The following PM20D2 variants were observed in gnomAD, a reference collection of about 807,000 sequenced individuals.
The protein encoded by PM20D2 is peptidase M20 domain containing 2.
A neutral mutation model predicts 42.9 loss-of-function variants in PM20D2; 33 were observed. That is an observed-to-expected ratio of 0.77 (90% confidence interval 0.58 to 1.03). PM20D2 has a LOEUF of 1.03. Ranked by LOEUF, PM20D2 falls within the 50% of genes least tolerant of loss-of-function variation. The pLI is 0.00. For synonymous variants in PM20D2, 250 were observed against 228.2 expected, an observed-to-expected ratio of 1.10 and a Z score of -0.86; for missense variants, 548 against 557.0, an observed-to-expected ratio of 0.98 and a Z score of 0.16.
the PM20D2 span, among the ~76,000 whole-genome samples, chr6:89,128,137 C>A: frequency 6.6e-6 from 1 of 152,112 alleles, no homozygotes; most frequent in South Asian, 2.1e-4. Flanking sequence ...CAAAAAGAGC[C>A]ATATTTTTCT....
At chr6:89,114,290 T>C in the PM20D2 span, among the ~76,000 whole-genome samples, 1 of 152,052 alleles carries the variant, frequency 6.6e-6, no homozygotes, top group African/African-American at 2.4e-5. Context: ...TAGCCAGGCA[T>C]GGTGGCACAC....
the PM20D2 span, among the ~76,000 whole-genome samples, chr6:89,116,729 C>T: frequency 1.3e-4 from 19 of 150,450 alleles, no homozygotes; most frequent in African/African-American, 4.4e-4. Flanking sequence ...CAACCAAGAT[C>T]GGGCCATTGT....
At position 89,162,072 on chromosome 6, in the gene PM20D2, ATAAG is replaced by A. The variant is rs112823828; in HGVS notation, c.1157-32_1157-29del. On this transcript the variant is annotated intron_variant, in intron 6 of 6. Coordinates refer to ENST00000275072, the MANE Select transcript of PM20D2 (RefSeq NM_001010853.3). ...ACCTGTGAAATTAAATACAGCTTAA[ATAAG>A]TAAGGAGGTATTTTATTTTCTCTAC... 2,263 of 1,586,742 alleles carry A rather than the reference ATAAG, an allele frequency of 1.4e-3. 30 individuals are homozygous for A. In the African/African-American group the frequency reaches 0.026, roughly 18 times the overall value.
Position 89,146,503 on chromosome 6 carries a change from T to A in PM20D2, c.359T>A (p.Ile120Asn), listed in dbSNP as rs755970777. 5.3e-6 allele frequency: 8 copies of A among 1,523,482 alleles called. No homozygotes were observed. The highest frequency in any genetic ancestry group is 6.1e-6 in the Non-Finnish European group (7 of 1,142,812). 94.4% of individuals were successfully genotyped at this position (1,523,482 alleles called of 1,614,324 possible). A position where few individuals can be genotyped will look rare whatever the true frequency, so the allele number is the denominator to read the frequency against. ...FLCEYDALPG[I>N]GHACGHNLIA... ...TGCGAGTACGACGCGCTGCCCGGCA[T>A]CGGCCACGCCTGCGGCCACAACCTC... The change falls in exon 1 of 7, where the codon ATC (isoleucine) becomes AAC (asparagine). Residue 120 changes from isoleucine to asparagine, a missense_variant. By Grantham distance (149) the Ile-to-Asn change is moderately radical (BLOSUM62 -3). Transcript: ENST00000275072.
At chr6:89,117,989 GC>G in the PM20D2 span, 1 of 1,299,658 alleles carries the variant, frequency 7.7e-7, no homozygotes, top group Non-Finnish European at 1.0e-6. Flanking sequence ...GGCCCCCGGC[GC>G]GACCCCCACC....
chr6:89,138,326 CCAA>C, the PM20D2 span, among the ~76,000 whole-genome samples: 43 of 152,004 alleles, frequency 2.8e-4, no homozygotes, highest in Non-Finnish European at 4.6e-4. Flanking sequence ...GGACCACTTG[CCAA>C]CAACAACACT....
At chr6:89,126,668 T>TAA in the PM20D2 span, among the ~76,000 whole-genome samples, 55,840 of 104,386 alleles carry the variant, frequency 0.53, 15,622 homozygotes, top group East Asian at 0.78. Context: ...AGACTCCATC[T>TAA]AAAAAAAAAA....
Position 89,149,159 on chromosome 6 carries a change from G to T in PM20D2, c.466-106G>T, listed in dbSNP as rs1447657843. 7 of 1,382,524 alleles carry T rather than the reference G, an allele frequency of 5.1e-6. No homozygotes were observed. The African/African-American group carries it at 7.3e-5, about 14-fold the overall frequency. 85.6% of individuals were successfully genotyped at this position (1,382,524 alleles called of 1,614,324 possible). A position where few individuals can be genotyped will look rare whatever the true frequency, so the allele number is the denominator to read the frequency against. On this transcript the variant is annotated intron_variant, in intron 1 of 6. Transcript: ENST00000275072. ...CATAGAACAAAACCTGTCTTAATAG[G>T]TTAAGGACTTTAATGTAGATTGTGA...
the PM20D2 span, chr6:89,098,718 G>C: frequency 1.2e-6 from 2 of 1,613,972 alleles, no homozygotes; most frequent in Middle Eastern, 1.6e-4. Flanking sequence ...GAGTCAGAAT[G>C]TCTTCCATGT....
At chr6:89,122,990 C>T in the PM20D2 span, among the ~76,000 whole-genome samples, 1 of 152,178 alleles carries the variant, frequency 6.6e-6, no homozygotes. Context: ...AATTTGATCT[C>T]TTCTGCTATA....
In PM20D2 at chr6:89,153,082, T is replaced by C. The variant is rs1770909221; in HGVS notation, c.654T>C (p.Ala218=). ...ACTATGGAAAAGCATCTCATTCTGC[T>C]TCTTATCCCTGGGAAGGATTAAATG... The part of the protein sequence containing the change: ...VKYYGKASHS[A]SYPWEGLNAL... Residue 218 remains alanine (A), a synonymous_variant, in exon 3 of 7, where the codon GCT becomes GCC. Transcript: ENST00000275072. 6.2e-7 allele frequency: 1 copy of C among 1,607,806 alleles called. No individual in the cohort carries two copies. Among genetic ancestry groups the C allele is most frequent in the African/African-American group, 1.3e-5 (1 of 74,716 alleles).
At chr6:89,139,959 C>T in the PM20D2 span, among the ~76,000 whole-genome samples, 1 of 152,108 alleles carries the variant, frequency 6.6e-6, no homozygotes, top group African/African-American at 2.4e-5. Context: ...TCAAGTCTGG[C>T]CTAAAGATAA....
intron 4 of PM20D2, among the ~76,000 whole-genome samples, chr6:89,156,391 G>T (rs765604254): frequency 6.6e-6 from 1 of 152,082 alleles, no homozygotes; most frequent in Admixed American, 6.5e-5. Context: ...CCATTTTCTT[G>T]CTTGAAAAAT....
chr6:89,150,736 C>T (rs1476213513), intron 2 of PM20D2, among the ~76,000 whole-genome samples: 1 of 151,396 alleles, frequency 6.6e-6, no homozygotes, highest in Non-Finnish European at 1.5e-5. Context: ...GACAGGGTTT[C>T]ACCGTATTGG....
rs147104190 is a variant in PM20D2 at position 89,151,153 on chromosome 6, C to CAA, written c.614+1748_614+1749dup. Reference sequence around the variant, plus strand: ...CCACCAGACAAGTGAAACTCCATCTCAAAAAAAAAGAAAAAAAAAAAGAGA... The same window carrying CAA: ...CCACCAGACAAGTGAAACTCCATCTCAAAAAAAAAAAGAAAAAAAAAAAGAGA... On this transcript the variant is annotated intron_variant, in intron 2 of 6. Coordinates refer to ENST00000275072, the MANE Select transcript of PM20D2 (RefSeq NM_001010853.3). 2.8e-3 allele frequency among the ~76,000 whole-genome samples: 356 copies of CAA among 128,214 alleles called. 8 individuals are homozygous for CAA. Among genetic ancestry groups the CAA allele is most frequent in the African/African-American group, 9.1e-3 (303 of 33,142 alleles). The allele number at this position is 128,214 out of a possible 152,430, so 84.1% of individuals were successfully genotyped here.
At chr6:89,111,535 A>G in the PM20D2 span, among the ~76,000 whole-genome samples, 1 of 152,090 alleles carries the variant, frequency 6.6e-6, no homozygotes, top group Non-Finnish European at 1.5e-5. Flanking sequence ...TATTAGTTCT[A>G]GCAGTTTTTT....
the PM20D2 span, chr6:89,098,815 C>G: frequency 6.2e-7 from 1 of 1,613,908 alleles, no homozygotes; most frequent in African/African-American, 1.3e-5. Context: ...TTTGTAAGGA[C>G]TTGGACCTTG....
Position 89,158,273 on chromosome 6 carries a change from A to G in PM20D2, c.913-52A>G, listed in dbSNP as rs192763645. 7,002 of 1,476,844 alleles carry G rather than the reference A, an allele frequency of 4.7e-3. 22 individuals are homozygous for G. The highest frequency in any genetic ancestry group is 5.6e-3 in the Middle Eastern group (25 of 4,460). 91.5% of individuals were successfully genotyped at this position (1,476,844 alleles called of 1,614,324 possible). The stretch of plus-strand genomic sequence containing the variant: ...GAACAATCACTGGTTTGAAAATTAG[A>G]TAGTGAATTTGAGTTTTTTATTTCA... On this transcript the variant is annotated intron_variant, in intron 4 of 6. Coordinates refer to ENST00000275072, the MANE Select transcript of PM20D2 (RefSeq NM_001010853.3).
At chr6:89,158,720 G>A (rs1001074991) in intron 5 of PM20D2, among the ~76,000 whole-genome samples, 9 of 152,088 alleles carry the variant, frequency 5.9e-5, no homozygotes, top group East Asian at 1.9e-4. Context: ...TTTAAGTTTC[G>A]TTAGTTTTAA....
Sources: allele counts gnomAD v4.1 joint callset (sites outside exome capture counted in the v4.1 genomes callset), GRCh38; gene constraint gnomAD v4.1.1; transcripts MANE v1.5; gene names NCBI Gene and HGNC (gene_info 2026-07-23, HGNC 2026-07-21).